The following IMMP2L variants were observed in gnomAD, a reference collection of about 807,000 sequenced individuals.
IMMP2L encodes the protein mitochondrial inner membrane protease subunit 2.
A neutral mutation model predicts 19.3 loss-of-function variants in IMMP2L; 18 were observed. The ratio of observed to expected loss-of-function variants is 0.93; its 90% CI spans 0.64 to 1.38. The LOEUF is 1.38. IMMP2L is among the 40% of genes most tolerant of loss of function. The pLI is 0.00. For synonymous variants in IMMP2L, 76 were observed against 73.0 expected (o/e 1.04, Z -0.21); for missense variants, 233 against 218.2 (o/e 1.07, Z -0.43).
In IMMP2L at chr7:110,772,752, A is replaced by G. The variant is rs544582651; in HGVS notation, c.409-109031T>C. ...AAGTTGGTCTTGACTCCCCCACTCA[A>G]GTCATTTGTAAGCACTATGCAAGCC... is the stretch of plus-strand genomic sequence containing the variant. On this transcript the variant is annotated intron_variant, in intron 5 of 5. Transcript: ENST00000405709. Among the ~76,000 whole-genome samples, 217 of 152,224 alleles carry G rather than the reference A, an allele frequency of 1.4e-3. 1 individual carries two copies. Among genetic ancestry groups the G allele is most frequent in the Non-Finnish European group, 2.1e-3 (142 of 68,030 alleles).
intron 3 of IMMP2L, among the ~76,000 whole-genome samples, chr7:111,092,631 GA>G (rs752898981): frequency 8.5e-5 from 13 of 152,164 alleles, no homozygotes; most frequent in Non-Finnish European, 1.8e-4. Context: ...CTTTGAGACA[GA>G]ATTACTCTCA....
chr7:111,289,760 G>A (rs1820885736), intron 3 of IMMP2L, among the ~76,000 whole-genome samples: 1 of 151,768 alleles, frequency 6.6e-6, no homozygotes, highest in Admixed American at 6.6e-5. Context: ...GCAGTGGCGC[G>A]ATCTCGGCTC....
chr7:110,993,016 CAACCT>C (rs1822652007), intron 3 of IMMP2L, among the ~76,000 whole-genome samples: 1 of 152,130 alleles, frequency 6.6e-6, no homozygotes, highest in African/African-American at 2.4e-5. Context: ...CCTGAACTCT[CAACCT>C]AATCTTGTTA....
In IMMP2L at chr7:111,213,052, G is replaced by A. The variant is rs541812710; in HGVS notation, c.240-249487C>T. Among the ~76,000 whole-genome samples, 71 of 152,340 alleles carry A rather than the reference G, an allele frequency of 4.7e-4. No homozygotes were observed. Among genetic ancestry groups the A allele is most frequent in the African/African-American group, 1.7e-3 (71 of 41,578 alleles). On this transcript the variant is annotated intron_variant, in intron 3 of 5. Transcript: ENST00000405709. The surrounding 1 kb of genome is among the most constrained non-coding windows in gnomAD (Gnocchi z 4.8). ...GCAGCCAGAAGCCCCGCCCTTCCAG[G>A]CACAGCTGCAGCCACCCAAGTGGCG... is the stretch of plus-strand genomic sequence containing the variant.
intron 5 of IMMP2L, among the ~76,000 whole-genome samples, chr7:110,818,416 A>G (rs1480979022): frequency 6.6e-6 from 1 of 152,206 alleles, no homozygotes; most frequent in Non-Finnish European, 1.5e-5. Flanking sequence ...ACAATGAGAT[A>G]CCATCTCACA....
intron 3 of IMMP2L, among the ~76,000 whole-genome samples, chr7:110,987,130 T>C (rs1821945283): frequency 6.6e-6 from 1 of 152,124 alleles, no homozygotes; most frequent in African/African-American, 2.4e-5. Context: ...TTACCTATAG[T>C]ATATGGACAG....
intron 4 of IMMP2L, among the ~76,000 whole-genome samples, chr7:110,918,452 CTTT>C (rs1029668134): frequency 2.3e-5 from 3 of 130,470 alleles, no homozygotes; most frequent in Non-Finnish European, 3.3e-5. Context: ...TTCTTTTTTT[CTTT>C]TTTTTTTTTT....
At chr7:110,967,585 A>G (rs1819685069) in intron 3 of IMMP2L, among the ~76,000 whole-genome samples, 1 of 152,012 alleles carries the variant, frequency 6.6e-6, no homozygotes, top group Non-Finnish European at 1.5e-5. Flanking sequence ...TAATGTAATC[A>G]CTGAACCTTT....
rs997198107 is a variant in IMMP2L, at chr7:110,721,924, A to T, written c.409-58203T>A. Among the ~76,000 whole-genome samples, 3 of 152,146 alleles carry T rather than the reference A, an allele frequency of 2.0e-5. No homozygotes were observed. The South Asian group carries it at 6.2e-4, about 31-fold the overall frequency. On this transcript the variant is annotated intron_variant, in intron 5 of 5. Transcript: ENST00000405709. The stretch of plus-strand genomic sequence containing the variant: ...AAGAGGAACAAAGTTGTAAACAATC[A>T]TAAGATAAGACAGAATTGAAGTGCT...
rs1798127819 is a variant in IMMP2L, at chr7:110,757,884, G to C, written c.409-94163C>G. 6.6e-6 allele frequency among the ~76,000 whole-genome samples: 1 copy of C among 152,130 alleles called. No individual in the cohort carries two copies. Among genetic ancestry groups the C allele is most frequent in the African/African-American group, 2.4e-5 (1 of 41,448 alleles). On this transcript the variant is annotated intron_variant, in intron 5 of 5. Transcript: ENST00000405709. This position sits in a 1 kb window ranked among gnomAD's most constrained non-coding sequence, Gnocchi z 4.2. ...GAAGCCATGCAGCTGTTTGGAGGAA[G>C]AGAATTTCAGGCACTGGAAATAGCC...
chr7:110,763,576 A>C (rs955460345), intron 5 of IMMP2L, among the ~76,000 whole-genome samples: 2 of 152,122 alleles, frequency 1.3e-5, no homozygotes, highest in African/African-American at 4.8e-5. Context: ...ACTAAATGGG[A>C]AGGTCTTTTA....
chr7:110,697,806 A>G (rs1793995655), intron 5 of IMMP2L, among the ~76,000 whole-genome samples: 2 of 152,236 alleles, frequency 1.3e-5, no homozygotes, highest in South Asian at 4.1e-4. Context: ...AGAAATAAAA[A>G]TAAAAAAATA....
At chr7:111,019,031 G>A (rs1446240801) in intron 3 of IMMP2L, among the ~76,000 whole-genome samples, 1 of 151,744 alleles carries the variant, frequency 6.6e-6, no homozygotes, top group Non-Finnish European at 1.5e-5. Flanking sequence ...AGGATACACT[G>A]TAATGACTAG....
At chr7:110,967,365 T>G (rs921399060) in intron 3 of IMMP2L, among the ~76,000 whole-genome samples, 1 of 152,038 alleles carries the variant, frequency 6.6e-6, no homozygotes, top group African/African-American at 2.4e-5. Flanking sequence ...GATGGAGAGA[T>G]TAGCATATGT....
intron 3 of IMMP2L, among the ~76,000 whole-genome samples, chr7:111,333,656 T>A (rs1826098915): frequency 6.6e-6 from 1 of 152,050 alleles, no homozygotes; most frequent in Admixed American, 6.6e-5. Context: ...CCCTCAATCT[T>A]AGTGGGCACC....
intron 3 of IMMP2L, among the ~76,000 whole-genome samples, chr7:111,286,377 C>T (rs967115858): frequency 6.6e-6 from 1 of 152,056 alleles, no homozygotes; most frequent in African/African-American, 2.4e-5. Flanking sequence ...ACGATCAACG[C>T]AATAATGACT....
At chr7:110,850,422 ATTTGCATTG>A (rs1471369072) in intron 5 of IMMP2L, among the ~76,000 whole-genome samples, 2 of 152,084 alleles carry the variant, frequency 1.3e-5, no homozygotes, top group African/African-American at 4.8e-5. Context: ...GGGCCTCTCA[ATTTGCATTG>A]ACCTGCCCCT....
intron 3 of IMMP2L, among the ~76,000 whole-genome samples, chr7:111,312,777 G>A (rs11980260): frequency 0.033 from 5,087 of 152,184 alleles, 278 homozygotes; most frequent in African/African-American, 0.11. Context: ...TTCAATTGCA[G>A]TATGGTCAGA....
At chr7:111,200,981 GTGGAAAATTCTTT>G (rs1454933192) in intron 3 of IMMP2L, among the ~76,000 whole-genome samples, 3 of 152,204 alleles carry the variant, frequency 2.0e-5, no homozygotes, top group South Asian at 2.1e-4. Context: ...GCTTTTCCTT[GTGGAAAATTCTTT>G]TGGAAAATTC....
Sources: gnomAD v4.1 joint callset for allele counts (sites outside exome capture counted in the v4.1 genomes callset) on GRCh38, gnomAD v4.1.1 for gene constraint, Gnocchi (gnomAD v3.1) non-coding constraint, MANE v1.5 for transcripts, NCBI Gene and HGNC (gene_info 2026-07-23, HGNC 2026-07-21) for gene names.